Variants in FAM135B observed in about 807,000 individuals in gnomAD.
The protein encoded by FAM135B is protein FAM135B.
In FAM135B, 43 loss-of-function variants were observed where a neutral mutation model predicts 127.7. The ratio of observed to expected loss-of-function variants is 0.34; its 90% CI spans 0.26 to 0.43. FAM135B has a LOEUF of 0.43. Among genes scored for constraint, FAM135B ranks in the 20% least tolerant of loss-of-function variants. The probability of loss-of-function intolerance (pLI) is 1.00; values close to 1 mark genes in which losing one functional copy is unlikely to be tolerated. For synonymous variants in FAM135B, 670 were observed against 665.1 expected, an observed-to-expected ratio of 1.01 and a Z score of -0.11; for missense variants, 1,558 against 1,725.6, an observed-to-expected ratio of 0.90 and a Z score of 1.72.
chr8:138,150,057 T>C (rs1817997329), intron 13 of FAM135B, among the ~76,000 whole-genome samples: 1 of 152,230 alleles, frequency 6.6e-6, no homozygotes, highest in African/African-American at 2.4e-5. Context: ...ACACCGTTAA[T>C]ATGTAACTCT....
intron 1 of FAM135B, among the ~76,000 whole-genome samples, chr8:138,394,902 T>C (rs1042796461): frequency 2.6e-5 from 4 of 152,098 alleles, no homozygotes; most frequent in Non-Finnish European, 2.9e-5. Flanking sequence ...CTTCAGGAAA[T>C]AGGATGACAG....
chr8:138,311,730 G>A (rs1325224700), intron 2 of FAM135B, among the ~76,000 whole-genome samples: 4 of 152,120 alleles, frequency 2.6e-5, no homozygotes, highest in Non-Finnish European at 5.9e-5. Context: ...ATAGCTGGGC[G>A]AGCACCCTGC....
chr8:138,192,965 C>T (rs1432294916), intron 9 of FAM135B, among the ~76,000 whole-genome samples: 1 of 152,132 alleles, frequency 6.6e-6, no homozygotes, highest in Non-Finnish European at 1.5e-5. Context: ...AGCAACTTGC[C>T]TAAAGTCACA....
At position 138,153,212 on chromosome 8, in the gene FAM135B, ATGCCC is replaced by A; in HGVS notation, c.1259-1_1262del. 6.7e-7 allele frequency: 1 copy of A among 1,487,460 alleles called. No individual in the cohort carries two copies. The highest frequency in any genetic ancestry group is 2.5e-5 in the Admixed American group (1 of 39,388). 92.1% of individuals were successfully genotyped at this position (1,487,460 alleles called of 1,614,324 possible). On this transcript the variant is annotated splice_acceptor_variant and coding_sequence_variant, in exon 13 of 20. Coordinates refer to ENST00000395297, the MANE Select transcript of FAM135B (RefSeq NM_015912.4). LOFTEE classifies it high-confidence loss of function. The stretch of plus-strand genomic sequence containing the variant: ...CAAAATTAGGATAAACACTCAAGTT[ATGCCC>A]TACAAAAAAAAAAGAAAGAAAATTA...
At chr8:138,415,872 T>C (rs1834116693) in intron 1 of FAM135B, among the ~76,000 whole-genome samples, 1 of 152,198 alleles carries the variant, frequency 6.6e-6, no homozygotes, top group Non-Finnish European at 1.5e-5. Context: ...TATGTGTTTA[T>C]CAAATATCTC....
intron 1 of FAM135B, among the ~76,000 whole-genome samples, chr8:138,384,219 T>G (rs1319971526): frequency 3.9e-5 from 6 of 152,160 alleles, no homozygotes; most frequent in Non-Finnish European, 8.8e-5. Flanking sequence ...GTCTGACTGT[T>G]GCAATGGGCC....
intron 7 of FAM135B, among the ~76,000 whole-genome samples, chr8:138,200,982 A>G (rs1382582516): frequency 1.3e-5 from 2 of 152,328 alleles, no homozygotes; most frequent in East Asian, 3.9e-4. Flanking sequence ...GTCCTTTCTC[A>G]GCATGCCACA....
intron 1 of FAM135B, among the ~76,000 whole-genome samples, chr8:138,452,589 C>A (rs1836559547): frequency 6.6e-6 from 1 of 152,138 alleles, no homozygotes; most frequent in Non-Finnish European, 1.5e-5. Context: ...TAATAATTAT[C>A]TACACTGGTT....
intron 7 of FAM135B, among the ~76,000 whole-genome samples, chr8:138,211,995 G>A (rs1422785369): frequency 6.6e-6 from 1 of 152,188 alleles, no homozygotes; most frequent in East Asian, 1.9e-4. Flanking sequence ...CTGAACCTGG[G>A]AGGTGGAGGT....
intron 1 of FAM135B, among the ~76,000 whole-genome samples, chr8:138,445,340 G>C (rs370757070): frequency 0.058 from 8,855 of 152,114 alleles, 833 homozygotes; most frequent in African/African-American, 0.2. Flanking sequence ...GCCTGGCAGA[G>C]ACACAACAAA....
At chr8:138,352,553 C>T (rs1277446486) in intron 2 of FAM135B, among the ~76,000 whole-genome samples, 2 of 152,162 alleles carry the variant, frequency 1.3e-5, no homozygotes, top group Non-Finnish European at 2.9e-5. Context: ...ATCTTCTCTC[C>T]TTTCACTCTC....
chr8:138,275,378 T>C (rs964740512), intron 3 of FAM135B, among the ~76,000 whole-genome samples: 4 of 152,198 alleles, frequency 2.6e-5, no homozygotes, highest in Non-Finnish European at 4.4e-5. Context: ...ATTTGTCTAC[T>C]AATATAAAAT....
intron 1 of FAM135B, among the ~76,000 whole-genome samples, chr8:138,456,578 G>A (rs577822654): frequency 2.6e-5 from 4 of 152,228 alleles, no homozygotes; most frequent in Admixed American, 1.3e-4. Flanking sequence ...CGTGGGTGGT[G>A]GGTTTATCTG....
At chr8:138,143,569 C>A (rs1471296673) in intron 15 of FAM135B, among the ~76,000 whole-genome samples, 1 of 152,052 alleles carries the variant, frequency 6.6e-6, no homozygotes, top group Non-Finnish European at 1.5e-5. Context: ...TGGGAAGGAT[C>A]GTAAAGTCAC....
chr8:138,160,661 G>T (rs1246518559), intron 12 of FAM135B, among the ~76,000 whole-genome samples: 1 of 151,596 alleles, frequency 6.6e-6, no homozygotes, highest in African/African-American at 2.4e-5. Flanking sequence ...GCCTCCCAAA[G>T]TGCTAGGATT....
intron 1 of FAM135B, among the ~76,000 whole-genome samples, chr8:138,479,825 T>G (rs1180551403): frequency 1.3e-5 from 2 of 152,200 alleles, no homozygotes; most frequent in Admixed American, 6.5e-5. Context: ...TCTTTTGTTC[T>G]TGCTTCAAAA....
At chr8:138,201,719 C>T (rs1313245022) in intron 7 of FAM135B, among the ~76,000 whole-genome samples, 1 of 152,116 alleles carries the variant, frequency 6.6e-6, no homozygotes, top group Non-Finnish European at 1.5e-5. Flanking sequence ...AATGAAACCC[C>T]TAAATAATAA....
At chr8:138,380,404 G>C (rs2131281843) in intron 1 of FAM135B, among the ~76,000 whole-genome samples, 1 of 152,134 alleles carries the variant, frequency 6.6e-6, no homozygotes, top group Non-Finnish European at 1.5e-5. Context: ...ATGTTGGCCA[G>C]GCTGGTCTCA....
chr8:138,387,117 A>G (rs1344705579), intron 1 of FAM135B, among the ~76,000 whole-genome samples: 1 of 152,202 alleles, frequency 6.6e-6, no homozygotes, highest in African/African-American at 2.4e-5. Flanking sequence ...GTGTTATTTG[A>G]TATTTGGAAA....
Sources: allele counts gnomAD v4.1 joint callset (sites outside exome capture counted in the v4.1 genomes callset), GRCh38; gene constraint gnomAD v4.1.1; transcripts MANE v1.5; gene names NCBI Gene and HGNC (gene_info 2026-07-23, HGNC 2026-07-21).